Variants in PCCB observed in about 807,000 individuals in gnomAD.
The protein encoded by PCCB is propionyl-CoA carboxylase beta chain, mitochondrial.
In PCCB, 43 loss-of-function variants were observed where a neutral mutation model predicts 60.7. The ratio of observed to expected loss-of-function variants is 0.71; its 90% CI spans 0.55 to 0.91. The LOEUF (loss-of-function observed/expected upper bound fraction) is 0.91. PCCB is among the 40% of genes least tolerant of loss of function. The probability of loss-of-function intolerance (pLI) is 0.00; values close to 1 mark genes in which losing one functional copy is unlikely to be tolerated. For missense variants in PCCB, 766 were observed against 702.8 expected (o/e 1.09, Z -1.02); for synonymous variants, 276 against 255.9 (o/e 1.08, Z -0.75).
chr3:136,296,939 A>G (rs1000607818), intron 7 of PCCB, among the ~76,000 whole-genome samples: 2 of 152,238 alleles, frequency 1.3e-5, no homozygotes, highest in African/African-American at 4.8e-5. Context: ...ACCTGCCCAT[A>G]TGGGGCTTAT....
chr3:136,254,548 T>TTTTA (rs1411852644), intron 1 of PCCB, among the ~76,000 whole-genome samples: 8 of 130,350 alleles, frequency 6.1e-5, no homozygotes, highest in Admixed American at 1.5e-4. Context: ...TTTTTTTTTT[T>TTTTA]AAAAGACAGG....
chr3:136,287,256 C>T (rs1933459160), intron 6 of PCCB, among the ~76,000 whole-genome samples: 2 of 152,060 alleles, frequency 1.3e-5, no homozygotes, highest in Non-Finnish European at 2.9e-5. Context: ...ATTAGCGTTT[C>T]CTGTTTTGAC....
intron 5 of PCCB, among the ~76,000 whole-genome samples, chr3:136,262,559 C>T (rs112151385): frequency 4.6e-5 from 7 of 152,204 alleles, no homozygotes; most frequent in African/African-American, 1.4e-4. Flanking sequence ...TATCTCTTTG[C>T]TTATTTACAG....
At chr3:136,296,477 T>C (rs1386223023) in intron 7 of PCCB, among the ~76,000 whole-genome samples, 1 of 152,260 alleles carries the variant, frequency 6.6e-6, no homozygotes. Flanking sequence ...TATTCCAGTG[T>C]GTGGATATAC....
chr3:136,255,903 C>G lies in PCCB; in HGVS notation c.231C>G (p.Gly77=). The G allele has an allele frequency of 2.5e-6, 4 of 1,614,056 alleles. No homozygotes were observed. The highest frequency in any genetic ancestry group is 3.4e-6 in the Non-Finnish European group (4 of 1,179,968). Residue 77 remains glycine, a synonymous_variant, in exon 2 of 15, where the codon GGC becomes GGG. Coordinates refer to ENST00000251654, the MANE Select transcript of PCCB (RefSeq NM_000532.5). The stretch of plus-strand genomic sequence containing the variant: ...GGATCAGTCTCTTGCTGGACCCTGG[C>G]AGCTTTGTTGAGAGCGACATGTTTG... ...RERISLLLDP[G]SFVESDMFVE...
intron 7 of PCCB, among the ~76,000 whole-genome samples, chr3:136,296,402 G>A (rs1220023687): frequency 6.6e-6 from 1 of 152,162 alleles, no homozygotes; most frequent in Non-Finnish European, 1.5e-5. Context: ...TTAGCATAAT[G>A]TTGTTAAAGG....
rs1553784921 is a variant in PCCB, at chr3:136,328,788, G to T, written c.1429G>T (p.Glu477Ter). ...TGTGGAGATCATCTTCAAAGGGCAT[G>T]AGAATGTGGAAGCTGCTCAGGCAGA... ...GAVEIIFKGH[E>*]NVEAAQAEYI... The change falls in exon 14 of 15, where the codon GAG (glutamate) becomes TAG (stop). Residue 477 changes from glutamate to a stop codon, truncating the protein, a stop_gained. Transcript: ENST00000251654. LOFTEE classifies it high-confidence loss of function. The T allele has an allele frequency of 6.2e-7, 1 of 1,614,176 alleles. No homozygotes were observed.
rs886058018 is a variant in PCCB at position 136,283,845 on chromosome 3, TA to T, written c.553del (p.Thr185ArgfsTer11). ...CTTTTCTGTTTTGGCAGAGGAATGT[TA>T]CGGCATCCGGAGTCATCCCTCAGAT... The part of the protein sequence containing the change: ...GYADIFLRNV[T>X]ASGVIPQISL... On this transcript the variant is annotated frameshift_variant, in exon 6 of 15. Coordinates refer to ENST00000251654, the MANE Select transcript of PCCB (RefSeq NM_000532.5). LOFTEE classifies it high-confidence loss of function. 1 of 1,611,404 alleles carries T rather than the reference TA, an allele frequency of 6.2e-7. No homozygotes were observed. The highest frequency in any genetic ancestry group is 1.1e-5 in the South Asian group (1 of 91,016).
chr3:136,310,976 A>C (rs1185198120), intron 9 of PCCB, among the ~76,000 whole-genome samples: 1 of 152,162 alleles, frequency 6.6e-6, no homozygotes, highest in African/African-American at 2.4e-5. Context: ...CCTGCATCTC[A>C]CCTAATAAAG....
intron 3 of PCCB, 122 bp downstream of exon 3, chr3:136,256,745 T>C (rs1941680730): frequency 1.3e-6 from 1 of 756,070 alleles, no homozygotes; most frequent in Non-Finnish European, 2.4e-6. Context: ...ATGAGGGATT[T>C]GCTTTGCTTT....
chr3:136,324,695 C>A (rs1489490791), intron 10 of PCCB, among the ~76,000 whole-genome samples: 1 of 152,030 alleles, frequency 6.6e-6, no homozygotes, highest in Non-Finnish European at 1.5e-5. Flanking sequence ...TAAAGAAATG[C>A]CTGCTACATT....
chr3:136,287,349 T>A (rs536715412), intron 6 of PCCB, among the ~76,000 whole-genome samples: 1 of 152,154 alleles, frequency 6.6e-6, no homozygotes, highest in Non-Finnish European at 1.5e-5. Context: ...TTATCTATGT[T>A]GTTCTTTGAA....
At chr3:136,324,572 C>G (rs1935229472) in intron 10 of PCCB, among the ~76,000 whole-genome samples, 2 of 152,130 alleles carry the variant, frequency 1.3e-5, no homozygotes, top group Non-Finnish European at 2.9e-5. Context: ...CTTTTGAATG[C>G]ACTAATTTCC....
intron 6 of PCCB, 150 bp downstream of exon 6, chr3:136,284,097 G>A (rs1305378144): frequency 1.5e-6 from 1 of 682,138 alleles, no homozygotes; most frequent in East Asian, 2.7e-5. Context: ...TGGAGAGAGG[G>A]TTTTGGCATG....
At chr3:136,280,416 G>A (rs1288437150) in intron 5 of PCCB, among the ~76,000 whole-genome samples, 1 of 152,116 alleles carries the variant, frequency 6.6e-6, no homozygotes, top group African/African-American at 2.4e-5. Flanking sequence ...GTGCGATCTT[G>A]GCGCACAGCA....
chr3:136,252,279 G>T (rs758304566), intron 1 of PCCB: 1 of 454,350 alleles, frequency 2.2e-6, no homozygotes, highest in South Asian at 1.6e-5. Context: ...TTTTTTTTGA[G>T]ACAGAGTTCA....
At chr3:136,309,245 A>G (rs1316653037) in intron 9 of PCCB, among the ~76,000 whole-genome samples, 1 of 149,598 alleles carries the variant, frequency 6.7e-6, no homozygotes, top group African/African-American at 2.5e-5. Context: ...CCTGGGTGAC[A>G]GAGCAAGACT....
intron 1 of PCCB, among the ~76,000 whole-genome samples, chr3:136,253,344 C>T (rs1174417135): frequency 6.6e-6 from 1 of 151,770 alleles, no homozygotes; most frequent in African/African-American, 2.4e-5. Context: ...CTGCCTCGGC[C>T]TCCCAAAGTG....
intron 8 of PCCB, among the ~76,000 whole-genome samples, 186 bp from the exon 9 acceptor site, chr3:136,300,844 T>C (rs997655342): frequency 1.3e-5 from 2 of 152,208 alleles, no homozygotes; most frequent in Non-Finnish European, 2.9e-5. Flanking sequence ...TTGATACTTG[T>C]CCCAGGTTCA....
Sources: gnomAD v4.1 joint callset for allele counts (sites outside exome capture counted in the v4.1 genomes callset) on GRCh38, gnomAD v4.1.1 for gene constraint, MANE v1.5 for transcripts, NCBI Gene and HGNC (gene_info 2026-07-23, HGNC 2026-07-21) for gene names.